The following SMC3 variants were observed in gnomAD, a reference collection of about 807,000 sequenced individuals.
The protein encoded by SMC3 is structural maintenance of chromosomes protein 3.
A neutral mutation model predicts 171.8 loss-of-function variants in SMC3; 20 were observed. The ratio of observed to expected loss-of-function variants is 0.12; its 90% CI spans 0.08 to 0.17. The LOEUF is 0.17. Among genes scored for constraint, SMC3 ranks in the 10% least tolerant of loss-of-function variants. The probability of loss-of-function intolerance (pLI) is 1.00; values close to 1 mark genes in which losing one functional copy is unlikely to be tolerated. For synonymous variants in SMC3, 464 were observed against 451.1 expected, an observed-to-expected ratio of 1.03 and a Z score of -0.36; for missense variants, 543 against 1,420.4, an observed-to-expected ratio of 0.38 and a Z score of 9.93.
chr10:110,577,790 T>C (rs962803242), intron 5 of SMC3, 45 bp from the exon 6 acceptor site: 1 of 1,353,958 alleles, frequency 7.4e-7, no homozygotes, highest in African/African-American at 1.4e-5. Flanking sequence ...AAAAGTTTTC[T>C]CCTTTACTAT....
At chr10:110,572,950 G>A (rs1011381560) in intron 2 of SMC3, among the ~76,000 whole-genome samples, 2 of 152,004 alleles carry the variant, frequency 1.3e-5, no homozygotes, top group South Asian at 4.1e-4. Context: ...CTACTGAAAG[G>A]CCCCTTCAAG....
chr10:110,571,377 C>G (rs1188887011), intron 2 of SMC3, among the ~76,000 whole-genome samples: 3 of 152,176 alleles, frequency 2.0e-5, no homozygotes, highest in Non-Finnish European at 4.4e-5. Flanking sequence ...TTAAATAACT[C>G]ACAGACTTTG....
chr10:110,589,389 G>A (rs1293907949), intron 13 of SMC3, among the ~76,000 whole-genome samples: 1 of 152,020 alleles, frequency 6.6e-6, no homozygotes, highest in Non-Finnish European at 1.5e-5. Flanking sequence ...TTTGACATAC[G>A]TATACATCTG....
intron 18 of SMC3, among the ~76,000 whole-genome samples, chr10:110,596,179 A>AC (rs1302458521): frequency 7.1e-6 from 1 of 140,426 alleles, no homozygotes; most frequent in Non-Finnish European, 1.5e-5. Context: ...CTATGACCGC[A>AC]CCACTGCACT....
At chr10:110,593,972 A>T (rs1286970176) in intron 18 of SMC3, among the ~76,000 whole-genome samples, 1 of 152,196 alleles carries the variant, frequency 6.6e-6, no homozygotes, top group Admixed American at 6.5e-5. Context: ...TGGGTGATAG[A>T]GCAAGATCCT....
chr10:110,597,585 G>A (rs933426407), intron 19 of SMC3, among the ~76,000 whole-genome samples: 1 of 152,228 alleles, frequency 6.6e-6, no homozygotes, highest in African/African-American at 2.4e-5. Flanking sequence ...TGACCTTGCA[G>A]GGGTCTGCAT....
chr10:110,596,597 CTG>C (rs1182518255), intron 19 of SMC3, 47 bp downstream of exon 19: 7 of 1,578,692 alleles, frequency 4.4e-6, no homozygotes, highest in Non-Finnish European at 5.2e-6. Flanking sequence ...GGGGGAAGAA[CTG>C]TGTTTTGGTT....
rs540663231 is a variant in SMC3 at position 110,598,693 on chromosome 10, A to G, written c.2268+403A>G. On this transcript the variant is annotated intron_variant, in intron 20 of 28. Coordinates refer to ENST00000361804, the MANE Select transcript of SMC3 (RefSeq NM_005445.4). ...AGTGCTGGGATTACAAGTGTGAGCC[A>G]CTGTGCCCAGGCTAGACCCATACTT... is the stretch of plus-strand genomic sequence containing the variant. 3.9e-5 allele frequency among the ~76,000 whole-genome samples: 6 copies of G among 152,262 alleles called. No individual in the cohort carries two copies. The South Asian group carries it at 1.2e-3, about 32-fold the overall frequency.
At chr10:110,603,766 G>A (rs144473098) in intron 28 of SMC3, among the ~76,000 whole-genome samples, 223 of 152,270 alleles carry the variant, frequency 1.5e-3, no homozygotes, top group Non-Finnish European at 2.7e-3. Context: ...GGTTTTATAA[G>A]TCAGTGCTTC....
At chr10:110,594,990 CTTTAT>C (rs758955829) in intron 18 of SMC3, among the ~76,000 whole-genome samples, 348 of 143,080 alleles carry the variant, frequency 2.4e-3, no homozygotes, top group Non-Finnish European at 4.2e-3. Flanking sequence ...AGTGTCTTCT[CTTTAT>C]TTTTTTTTTT....
At position 110,567,743 on chromosome 10, in the gene SMC3, C is replaced by T. The variant is rs376252081; in HGVS notation, c.-74C>T. 2 of 1,577,162 alleles carry T rather than the reference C, an allele frequency of 1.3e-6. No homozygotes were observed. Among genetic ancestry groups the T allele is most frequent in the South Asian group, 1.1e-5 (1 of 90,222 alleles). ...CGCTTTGGGGGAGGGGTCGCGTAGG[C>T]GCCTCACCTGACCCTGCGGCCGTGC... is the stretch of plus-strand genomic sequence containing the variant. On this transcript the variant is annotated 5_prime_UTR_variant, in exon 1 of 29. Coordinates refer to ENST00000361804, the MANE Select transcript of SMC3 (RefSeq NM_005445.4).
rs1861328534 is a variant in SMC3 at position 110,598,042 on chromosome 10, A to G, written c.2117-97A>G. The G allele has an allele frequency of 2.7e-6, 3 of 1,118,984 alleles. No individual in the cohort carries two copies. The Admixed American group carries it at 5.8e-5, about 22-fold the overall frequency. 69.3% of individuals were successfully genotyped at this position (1,118,984 alleles called of 1,614,324 possible). On this transcript the variant is annotated intron_variant, in intron 19 of 28. Coordinates refer to ENST00000361804, the MANE Select transcript of SMC3 (RefSeq NM_005445.4). The stretch of plus-strand genomic sequence containing the variant: ...GAGGACATAAATGTTATTTGGGGGT[A>G]AAGAAAAGGAAGGGATACATGGTGT...
In SMC3 at chr10:110,605,096, T is replaced by TTCTGCTATTCTCTAGCAGTTA. The variant is rs1861448612; in HGVS notation, c.*794_*795insTCTGCTATTCTCTAGCAGTTA. 6.6e-6 allele frequency among the ~76,000 whole-genome samples: 1 copy of TTCTGCTATTCTCTAGCAGTTA among 152,216 alleles called. No individual in the cohort carries two copies. The highest frequency in any genetic ancestry group is 1.5e-5 in the Non-Finnish European group (1 of 68,024). ...TTTCTCATGGTTAGATTGGAGCTAA[T>TTCTGCTATTCTCTAGCAGTTA]ACCACAGAAGCGAAGTATTCTCATT... is the stretch of plus-strand genomic sequence containing the variant. On this transcript the variant is annotated 3_prime_UTR_variant, in exon 29 of 29. Transcript: ENST00000361804.
At chr10:110,587,194 A>T (rs1023994102) in intron 13 of SMC3, among the ~76,000 whole-genome samples, 2 of 152,220 alleles carry the variant, frequency 1.3e-5, no homozygotes, top group Non-Finnish European at 2.9e-5. Flanking sequence ...GCTCTTAGAT[A>T]GTTTCAGTGC....
intron 23 of SMC3, 105 bp downstream of exon 23, chr10:110,601,235 T>A (rs1861382331): frequency 2.3e-6 from 2 of 867,352 alleles, no homozygotes; most frequent in Non-Finnish European, 3.9e-6. Context: ...AATGATTTTT[T>A]GTTTTCCATT....
Position 110,584,340 on chromosome 10 carries a change from C to T in SMC3, c.1249C>T (p.His417Tyr). 6.2e-7 allele frequency: 1 copy of T among 1,613,990 alleles called. No individual in the cohort carries two copies. The highest frequency in any genetic ancestry group is 8.5e-7 in the Non-Finnish European group (1 of 1,179,924). ...CAAGAAAAGACAGATTGCTGCTATA[C>T]ATAAGGATTTGGAAGACACTGAAGC... The part of the protein sequence containing the change: ...NDKKRQIAAI[H>Y]KDLEDTEANK... The change falls in exon 13 of 29, where the codon CAT becomes TAT. Residue 417 changes from histidine (H) to tyrosine (Y), a missense_variant. By Grantham distance (83) the His-to-Tyr change is moderately conservative (BLOSUM62 2). This residue lies in a region of SMC3 where 218 missense variants were observed against 509.6 expected (regional missense o/e 0.43). Coordinates refer to ENST00000361804, the MANE Select transcript of SMC3 (RefSeq NM_005445.4).
chr10:110,580,797 A>G (rs1861019040), intron 7 of SMC3, 107 bp from the exon 8 acceptor site: 3 of 758,778 alleles, frequency 4.0e-6, no homozygotes, highest in South Asian at 1.4e-5. Context: ...ACCATTTTGC[A>G]TAAGGGATAC....
chr10:110,592,176 A>G (rs1020537305), intron 17 of SMC3, among the ~76,000 whole-genome samples: 3 of 152,094 alleles, frequency 2.0e-5, no homozygotes, highest in Non-Finnish European at 4.4e-5. Flanking sequence ...GAAGCGGGAA[A>G]ATCGCTTGAA....
chr10:110,591,918 C>A (rs1420762418), intron 17 of SMC3, among the ~76,000 whole-genome samples: 1 of 151,924 alleles, frequency 6.6e-6, no homozygotes, highest in African/African-American at 2.4e-5. Flanking sequence ...ATGAATGGAA[C>A]GAGACACAAA....
Sources: allele counts gnomAD v4.1 joint callset (sites outside exome capture counted in the v4.1 genomes callset), GRCh38; gene constraint gnomAD v4.1.1; regional missense constraint gnomAD v4.1.1; transcripts MANE v1.5; gene names NCBI Gene and HGNC (gene_info 2026-07-23, HGNC 2026-07-21).